DAB1: variants seen among roughly 807,000 people sequenced by gnomAD.
DAB1 encodes disabled homolog 1.
A neutral mutation model predicts 64.6 loss-of-function variants in DAB1; 15 were observed. The ratio of observed to expected loss-of-function variants is 0.23; its 90% CI spans 0.16 to 0.36. The LOEUF (loss-of-function observed/expected upper bound fraction) is 0.36, where lower values mean the gene tolerates loss of function less well. Ranked by LOEUF, DAB1 falls within the 10% of genes least tolerant of loss-of-function variation. The pLI, the probability that DAB1 is intolerant of heterozygous loss-of-function variation, is 1.00. For synonymous variants in DAB1, 235 were observed against 251.9 expected, an observed-to-expected ratio of 0.93 and a Z score of 0.64; for missense variants, 596 against 706.7, an observed-to-expected ratio of 0.84 and a Z score of 1.78.
Position 57,994,885 on chromosome 1 carries a change from G to C in DAB1, n.388-110723C>G, listed in dbSNP as rs1646401375. 4.3e-5 allele frequency among the ~76,000 whole-genome samples: 4 copies of C among 92,866 alleles called. No homozygotes were observed. The Admixed American group carries it at 5.4e-4, about 13-fold the overall frequency. The allele number at this position is 92,866 out of a possible 152,430, so 60.9% of individuals were successfully genotyped here. A position where few individuals can be genotyped will look rare whatever the true frequency, so the allele number is the denominator to read the frequency against. Reference sequence around the variant, plus strand: ...AAGTGAAGCAGACTTGTAATGTTTGGATTGTTTAGTGATTAAAAAAAAAGA... The same window carrying C: ...AAGTGAAGCAGACTTGTAATGTTTGCATTGTTTAGTGATTAAAAAAAAAGA... On this transcript the variant is annotated intron_variant and non_coding_transcript_variant, in intron 5 of 20. Transcript: ENST00000485760.
chr1:57,545,466 A>C (rs1454308634), intron 7 of DAB1, among the ~76,000 whole-genome samples: 1 of 152,178 alleles, frequency 6.6e-6, no homozygotes, highest in Non-Finnish European at 1.5e-5. Context: ...TTAGTACTAG[A>C]AGTTCCATGT....
intron 7 of DAB1, among the ~76,000 whole-genome samples, chr1:57,537,064 A>T (rs986734599): frequency 6.6e-6 from 1 of 152,242 alleles, no homozygotes; most frequent in Non-Finnish European, 1.5e-5. Flanking sequence ...CTAAGCAATA[A>T]TTTTTTAATT....
At chr1:57,280,712 A>G (rs1015056070) in intron 2 of DAB1, among the ~76,000 whole-genome samples, 2 of 152,322 alleles carry the variant, frequency 1.3e-5, no homozygotes, top group Admixed American at 6.5e-5. Flanking sequence ...AGCACCAGAC[A>G]TGATTGGACA....
intron 2 of DAB1, among the ~76,000 whole-genome samples, chr1:57,270,846 C>T (rs1670938224): frequency 1.3e-5 from 2 of 152,276 alleles, no homozygotes; most frequent in East Asian, 3.9e-4. Context: ...ACAGCTCCTA[C>T]AAGTTTAGGA....
chr1:57,305,734 C>T (rs542506766), intron 1 of DAB1, among the ~76,000 whole-genome samples: 8 of 152,134 alleles, frequency 5.3e-5, no homozygotes, highest in Middle Eastern at 3.4e-3. Context: ...CTTTGGGAGG[C>T]GGAGGCGGGC....
intron 7 of DAB1, among the ~76,000 whole-genome samples, chr1:57,531,836 C>A (rs928226372): frequency 9.2e-5 from 14 of 151,992 alleles, no homozygotes; most frequent in African/African-American, 3.4e-4. Flanking sequence ...TCCATGCTAC[C>A]AACAAGGATG....
At chr1:57,188,760 G>A (rs1663843621) in intron 2 of DAB1, among the ~76,000 whole-genome samples, 1 of 152,154 alleles carries the variant, frequency 6.6e-6, no homozygotes, top group Non-Finnish European at 1.5e-5. Context: ...CCTGGGTCTT[G>A]GTCCTGACTT....
At chr1:57,702,306 A>G (rs776136902) in intron 6 of DAB1, among the ~76,000 whole-genome samples, 4 of 152,108 alleles carry the variant, frequency 2.6e-5, no homozygotes, top group Non-Finnish European at 4.4e-5. Context: ...GGTGGGGGCT[A>G]AAAGAGTAAA....
intron 4 of DAB1, among the ~76,000 whole-genome samples, chr1:58,330,392 G>A (rs967065040): frequency 4.6e-5 from 7 of 152,228 alleles, no homozygotes; most frequent in African/African-American, 1.2e-4. Flanking sequence ...AATGTGCAAG[G>A]TGGAGCAGCA....
At chr1:58,439,385 G>A (rs148662279) in intron 3 of DAB1, among the ~76,000 whole-genome samples, 1 of 152,082 alleles carries the variant, frequency 6.6e-6, no homozygotes, top group African/African-American at 2.4e-5. Context: ...CTTCAGTAAA[G>A]AAACATTTAT....
chr1:57,523,177 C>T (rs1446091791), intron 7 of DAB1, among the ~76,000 whole-genome samples: 2 of 152,138 alleles, frequency 1.3e-5, no homozygotes, highest in African/African-American at 4.8e-5. Flanking sequence ...GACGAATACA[C>T]CCCCCTTCCC....
rs530145227 is a variant in DAB1, at chr1:57,168,066, C to T, written c.68-22637G>A. Among the ~76,000 whole-genome samples, 7 of 152,292 alleles carry T rather than the reference C, an allele frequency of 4.6e-5. No homozygotes were observed. The East Asian group carries it at 1.4e-3, about 29-fold the overall frequency. On this transcript the variant is annotated intron_variant, in intron 2 of 14. Transcript: ENST00000371236. ...AATATTTCTAAAATGTCGTAACAGT[C>T]ACCACACTCATATCTCCCCTAGATA...
At chr1:57,367,059 A>AAAATAAAATAAAAT (rs1491183183) in intron 1 of DAB1, among the ~76,000 whole-genome samples, 3 of 48,610 alleles carry the variant, frequency 6.2e-5, no homozygotes, top group African/African-American at 1.7e-4. Flanking sequence ...AAAATAAAAT[A>AAAATAAAATAAAAT]AAATAAAATA....
intron 1 of DAB1, among the ~76,000 whole-genome samples, chr1:57,849,386 T>C (rs1192149601): frequency 6.6e-6 from 1 of 152,166 alleles, no homozygotes; most frequent in Non-Finnish European, 1.5e-5. Flanking sequence ...ATCAAGACCC[T>C]GGTAAATGAA....
chr1:58,064,717 G>C (rs10607484), intron 5 of DAB1, among the ~76,000 whole-genome samples: 8 of 99,414 alleles, frequency 8.0e-5, no homozygotes, highest in African/African-American at 3.5e-4. Context: ...ATGTATTTAT[G>C]TATTTATTTA....
At chr1:58,495,272 G>A (rs1314434557) in intron 3 of DAB1, among the ~76,000 whole-genome samples, 5 of 152,108 alleles carry the variant, frequency 3.3e-5, no homozygotes, top group African/African-American at 4.8e-5. Context: ...TCTGTTGTGG[G>A]GTGGGAGGAG....
rs111495453 is a variant in DAB1, at chr1:57,203,813, G to A, written c.68-58384C>T. 5.9e-5 allele frequency among the ~76,000 whole-genome samples: 9 copies of A among 152,236 alleles called. No individual in the cohort carries two copies. The East Asian group carries it at 7.7e-4, about 13-fold the overall frequency. On this transcript the variant is annotated intron_variant, in intron 2 of 14. Transcript: ENST00000371236. ...ACATTATGCAAACTGTACCGGTTCC[G>A]GACAACTGGCCTAGACAAGGAGCTA...
intron 5 of DAB1, among the ~76,000 whole-genome samples, chr1:58,057,072 C>T (rs777326410): frequency 4.6e-5 from 7 of 152,066 alleles, no homozygotes; most frequent in South Asian, 2.1e-4. Flanking sequence ...TGATGACACA[C>T]TTTGTAAACT....
intron 5 of DAB1, among the ~76,000 whole-genome samples, chr1:58,120,070 G>A (rs141195378): frequency 6.7e-4 from 102 of 152,200 alleles, no homozygotes; most frequent in Middle Eastern, 3.4e-3. Flanking sequence ...TACTGGCCTC[G>A]TCTTTTGTGA....
Sources: gnomAD v4.1 joint callset for allele counts (sites outside exome capture counted in the v4.1 genomes callset) on GRCh38, gnomAD v4.1.1 for gene constraint, MANE v1.5 for transcripts, NCBI Gene and HGNC (gene_info 2026-07-23, HGNC 2026-07-21) for gene names.